The following SMO variants were observed in gnomAD, a reference collection of about 807,000 sequenced individuals.
The protein encoded by SMO is protein smoothened.
Under a neutral mutation model 81.6 loss-of-function variants are expected in SMO, and 40 were observed. The observed-to-expected ratio is 0.49, with a 90% CI of 0.38 to 0.64. The LOEUF (loss-of-function observed/expected upper bound fraction) is 0.64. SMO is among the 30% of genes least tolerant of loss of function. SMO has a pLI of 0.00. For synonymous variants in SMO, 434 were observed against 432.1 expected, an observed-to-expected ratio of 1.00 and a Z score of -0.05; for missense variants, 916 against 1,061.1, an observed-to-expected ratio of 0.86 and a Z score of 1.90.
intron 1 of SMO, among the ~76,000 whole-genome samples, chr7:129,200,348 G>A (rs1195939896): frequency 6.6e-6 from 1 of 152,092 alleles, no homozygotes; most frequent in Non-Finnish European, 1.5e-5. Flanking sequence ...GTGAACCCAG[G>A]AGGCGGAGCT....
chr7:129,206,026 T>TGGA lies in SMO; in HGVS notation c.921-124_921-123insGGA, dbSNP rs1793759633. ...CCTCAGATCTGACCTGGGTCCTGTC[T>TGGA]CCAAGCCCTGACTTCTGGGAACCTC... is the stretch of plus-strand genomic sequence containing the variant. On this transcript the variant is annotated intron_variant, in intron 4 of 11. Transcript: ENST00000249373. This position sits in a 1 kb window ranked among gnomAD's most constrained non-coding sequence, Gnocchi z 4.4. The TGGA allele has an allele frequency of 1.1e-6, 1 of 894,782 alleles. No individual in the cohort carries two copies. Among genetic ancestry groups the TGGA allele is most frequent in the South Asian group, 1.6e-5 (1 of 60,960 alleles). 55.4% of individuals were successfully genotyped at this position (894,782 alleles called of 1,614,324 possible).
intron 1 of SMO, among the ~76,000 whole-genome samples, chr7:129,202,771 G>T (rs1217132334): frequency 1.3e-5 from 2 of 152,114 alleles, no homozygotes; most frequent in African/African-American, 4.8e-5. Flanking sequence ...TCTGGGCAAA[G>T]GGAAACATCT....
chr7:129,196,134 A>G (rs1793575170), intron 1 of SMO, among the ~76,000 whole-genome samples: 1 of 151,930 alleles, frequency 6.6e-6, no homozygotes, highest in Non-Finnish European at 1.5e-5. Context: ...AAAAAAACAA[A>G]AAAAAATTAT....
intron 3 of SMO, 96 bp downstream of exon 3, chr7:129,205,508 C>T: frequency 2.0e-6 from 3 of 1,528,818 alleles, no homozygotes; most frequent in Non-Finnish European, 2.7e-6. Context: ...GTGGGGGTCC[C>T]CAGGGAAGGG....
At chr7:129,203,634 G>C (rs2150647066) in intron 2 of SMO, 45 bp downstream of exon 2, 1 of 1,506,310 alleles carries the variant, frequency 6.6e-7, no homozygotes, top group Non-Finnish European at 9.0e-7. Context: ...GGGTTGGGCA[G>C]GACCGGGTAT....
intron 1 of SMO, among the ~76,000 whole-genome samples, chr7:129,193,430 A>G (rs73475699): frequency 0.14 from 21,250 of 151,912 alleles, 1,881 homozygotes; most frequent in African/African-American, 0.25. Flanking sequence ...CCTTAGAGCT[A>G]TTTCCAAACT....
Position 129,212,722 on chromosome 7 carries a change from C to G in SMO, c.*271C>G. On this transcript the variant is annotated 3_prime_UTR_variant, in exon 12 of 12. Coordinates refer to ENST00000249373, the MANE Select transcript of SMO (RefSeq NM_005631.5). This position sits in a 1 kb window ranked among gnomAD's most constrained non-coding sequence, Gnocchi z 5.0. ...CCAGCTGCAGCCTGGTTGGCAGCAT[C>G]TGCTCCATCGGGGCAGGGGGTATGC... 1.9e-6 allele frequency: 1 copy of G among 529,092 alleles called. No homozygotes were observed. The highest frequency in any genetic ancestry group is 3.4e-6 in the Non-Finnish European group (1 of 296,488). 32.8% of individuals were successfully genotyped at this position (529,092 alleles called of 1,614,324 possible). A position where few individuals can be genotyped will look rare whatever the true frequency, so the allele number is the denominator to read the frequency against.
chr7:129,209,412 T>TGGA lies in SMO; in HGVS notation c.1466+18_1466+20dup. Reference sequence around the variant, plus strand: ...GACTATGTGCTGTGAGTGAGGGGCATGGAGGCGGCAGTGCTGGGAGCTGGA... The same window carrying TGGA: ...GACTATGTGCTGTGAGTGAGGGGCATGGAGGAGGCGGCAGTGCTGGGAGCTGGA... On this transcript the variant is annotated intron_variant, in intron 8 of 11. Coordinates refer to ENST00000249373, the MANE Select transcript of SMO (RefSeq NM_005631.5). 1 of 1,562,928 alleles carries TGGA rather than the reference T, an allele frequency of 6.4e-7. No homozygotes were observed. Among genetic ancestry groups the TGGA allele is most frequent in the Non-Finnish European group, 8.8e-7 (1 of 1,133,552 alleles).
chr7:129,188,787 T>G lies in SMO; in HGVS notation c.-365T>G. On this transcript the variant is annotated 5_prime_UTR_variant, in exon 1 of 12. Transcript: ENST00000249373. The surrounding 1 kb of genome is among the most constrained non-coding windows in gnomAD (Gnocchi z 4.9). ...GCTGCACTCGCACCCCCGGCCCGCG[T>G]CTGGCCTCCCTCGCGGGGCGGGGAG... 5.1e-6 allele frequency: 1 copy of G among 194,556 alleles called. No individual in the cohort carries two copies. The highest frequency in any genetic ancestry group is 1.1e-5 in the Non-Finnish European group (1 of 94,230). 12.1% of individuals were successfully genotyped at this position (194,556 alleles called of 1,614,324 possible). A position where few individuals can be genotyped will look rare whatever the true frequency, so the allele number is the denominator to read the frequency against.
intron 1 of SMO, among the ~76,000 whole-genome samples, chr7:129,194,627 G>A (rs1793541656): frequency 6.6e-6 from 1 of 151,990 alleles, no homozygotes; most frequent in African/African-American, 2.4e-5. Flanking sequence ...GAATCCATAA[G>A]CAGTATATTT....
chr7:129,205,858 G>T (rs1451004659), intron 4 of SMO, 76 bp downstream of exon 4: 13 of 1,432,538 alleles, frequency 9.1e-6, no homozygotes, highest in African/African-American at 1.4e-5. Flanking sequence ...AAGGGAGCAG[G>T]TGCGTGTAAA....
At chr7:129,201,972 C>T (rs71583823) in intron 1 of SMO, among the ~76,000 whole-genome samples, 3,861 of 152,170 alleles carry the variant, frequency 0.025, 82 homozygotes, top group Admixed American at 0.062. Context: ...TGAGCCACTG[C>T]GCCTGGCCAA....
chr7:129,206,124 A>G lies in SMO; in HGVS notation c.921-26A>G. On this transcript the variant is annotated intron_variant, in intron 4 of 11. Transcript: ENST00000249373. The surrounding 1 kb of genome is among the most constrained non-coding windows in gnomAD (Gnocchi z 4.4). ...AGAGGGAGTACAGAGTGACCGCCTC[A>G]AGTGACACCTCACCTCTCTGCACAG... The G allele has an allele frequency of 6.5e-7, 1 of 1,544,836 alleles. No homozygotes were observed. The highest frequency in any genetic ancestry group is 8.8e-7 in the Non-Finnish European group (1 of 1,133,040).
rs902853262 is a variant in SMO, at chr7:129,210,663, G to A, written c.1652+115G>A. On this transcript the variant is annotated intron_variant, in intron 9 of 11. Transcript: ENST00000249373. This position sits in a 1 kb window ranked among gnomAD's most constrained non-coding sequence, Gnocchi z 4.7. The stretch of plus-strand genomic sequence containing the variant: ...GCACAGCCTTGGTCAGTGGTTCACC[G>A]CTGCCCCCTGGTGGCACCTTCTGTC... 10 of 884,834 alleles carry A rather than the reference G, an allele frequency of 1.1e-5. No homozygotes were observed. The highest frequency in any genetic ancestry group is 7.1e-5 in the Admixed American group (3 of 42,150). The allele number at this position is 884,834 out of a possible 1,614,324, so 54.8% of individuals were successfully genotyped here. A position where few individuals can be genotyped will look rare whatever the true frequency, so the allele number is the denominator to read the frequency against.
rs779823741 is a variant in SMO, at chr7:129,209,418, C to T, written c.1466+21C>T. On this transcript the variant is annotated intron_variant, in intron 8 of 11. Transcript: ENST00000249373. Reference sequence around the variant, plus strand: ...GTGCTGTGAGTGAGGGGCATGGAGGCGGCAGTGCTGGGAGCTGGAGCCAAG... The same window carrying T: ...GTGCTGTGAGTGAGGGGCATGGAGGTGGCAGTGCTGGGAGCTGGAGCCAAG... 1.1e-4 allele frequency: 175 copies of T among 1,533,120 alleles called. 2 individuals carry two copies. The South Asian group carries it at 1.6e-3, about 14-fold the overall frequency. 95.0% of individuals were successfully genotyped at this position (1,533,120 alleles called of 1,614,324 possible).
At chr7:129,207,931 A>C (rs906770966) in intron 6 of SMO, among the ~76,000 whole-genome samples, 1 of 152,052 alleles carries the variant, frequency 6.6e-6, no homozygotes, top group African/African-American at 2.4e-5. Context: ...AACAAGTCCA[A>C]ATTGAGATGT....
In SMO at chr7:129,210,384, C is replaced by T. The variant is rs554748294; in HGVS notation, c.1488C>T (p.Ile496=). The change falls in exon 9 of 12, where the codon ATC becomes ATT. Residue 496 remains isoleucine (I), a synonymous_variant. Coordinates refer to ENST00000249373, the MANE Select transcript of SMO (RefSeq NM_005631.5). The surrounding 1 kb of genome is among the most constrained non-coding windows in gnomAD (Gnocchi z 4.7). The stretch of plus-strand genomic sequence containing the variant: ...GTAGATGTCAGGCCAATGTGACCAT[C>T]GGGCTGCCCACCAAGCAGCCCATCC... ...DYVLCQANVT[I]GLPTKQPIPD... 17 of 1,613,908 alleles carry T rather than the reference C, an allele frequency of 1.1e-5. No individual in the cohort carries two copies. Among genetic ancestry groups the T allele is most frequent in the Middle Eastern group, 1.6e-4 (1 of 6,062 alleles).
chr7:129,205,451 T>G (rs1334932979), intron 3 of SMO, 39 bp downstream of exon 3: 10 of 1,589,084 alleles, frequency 6.3e-6, no homozygotes, highest in Non-Finnish European at 7.7e-6. Context: ...GCCCTCAGCC[T>G]GGAACGTGGG....
rs2150654526 is a variant in SMO at position 129,210,966 on chromosome 7, T to C, written c.1654T>C (p.Leu552=). ...LLIWRRTWCR[L]TGQSDDEPKR... ...CTTCCCTATCCCTTCTGCTCTCAGG[T>C]TGACTGGGCAGAGTGACGATGAGCC... The change falls in exon 10 of 12, where the codon TTG becomes CTG. Residue 552 remains leucine, a splice_region_variant and synonymous_variant. Transcript: ENST00000249373. The surrounding 1 kb of genome is among the most constrained non-coding windows in gnomAD (Gnocchi z 4.7). 2 of 1,604,748 alleles carry C rather than the reference T, an allele frequency of 1.2e-6. No individual in the cohort carries two copies. Among genetic ancestry groups the C allele is most frequent in the Non-Finnish European group, 1.7e-6 (2 of 1,175,438 alleles).
Sources: gnomAD v4.1 joint callset for allele counts (sites outside exome capture counted in the v4.1 genomes callset) on GRCh38, gnomAD v4.1.1 for gene constraint, Gnocchi (gnomAD v3.1) non-coding constraint, MANE v1.5 for transcripts, NCBI Gene and HGNC (gene_info 2026-07-23, HGNC 2026-07-21) for gene names.